The following KLHL18 variants were observed in gnomAD, a reference collection of about 807,000 sequenced individuals.
KLHL18 encodes the protein kelch like family member 18.
KLHL18 carries 38 observed loss-of-function variants against 58.5 expected under a neutral mutation model. The observed-to-expected ratio is 0.65, with a 90% CI of 0.50 to 0.85. The LOEUF (loss-of-function observed/expected upper bound fraction) is 0.85. Ranked by LOEUF, KLHL18 falls within the 40% of genes least tolerant of loss-of-function variation. KLHL18 has a pLI of 0.00. For missense variants in KLHL18, 624 were observed against 778.4 expected, an observed-to-expected ratio of 0.80 and a Z score of 2.36; for synonymous variants, 303 against 301.9, an observed-to-expected ratio of 1.00 and a Z score of -0.04.
chr3:47,339,093 T>TC (rs1398069117), intron 7 of KLHL18, among the ~76,000 whole-genome samples: 1 of 152,146 alleles, frequency 6.6e-6, no homozygotes, highest in East Asian at 1.9e-4. Context: ...GGCAGGCCTC[T>TC]CTCTGGGCAG....
intron 1 of KLHL18, among the ~76,000 whole-genome samples, chr3:47,316,975 A>G (rs1324626117): frequency 6.6e-6 from 1 of 151,922 alleles, no homozygotes; most frequent in Non-Finnish European, 1.5e-5. Context: ...CAATGGAGCA[A>G]TACTTTCAAA....
chr3:47,302,275 AAG>A (rs1177917649), intron 1 of KLHL18, among the ~76,000 whole-genome samples: 1 of 152,194 alleles, frequency 6.6e-6, no homozygotes, highest in Non-Finnish European at 1.5e-5. Context: ...TCATGAGGTC[AAG>A]AGATCAAGAC....
intron 3 of KLHL18, among the ~76,000 whole-genome samples, chr3:47,325,773 CTT>C (rs1293020257): frequency 1.6e-4 from 22 of 140,652 alleles, no homozygotes; most frequent in Non-Finnish European, 1.4e-4. Flanking sequence ...TATTTTCTTG[CTT>C]TTTTTTTTTT....
Position 47,323,795 on chromosome 3 carries a change from C to G in KLHL18, c.401+1087C>G, listed in dbSNP as rs184712605. Among the ~76,000 whole-genome samples, 300 of 152,296 alleles carry G rather than the reference C, an allele frequency of 2.0e-3. 3 individuals carry two copies. The highest frequency in any genetic ancestry group is 6.6e-3 in the African/African-American group (273 of 41,552). Reference sequence around the variant, plus strand: ...ACTAGGTATCTGGTCTGTCAGCATTCCTCCTGACTCAGATCTGCCCTCCGA... The same window carrying G: ...ACTAGGTATCTGGTCTGTCAGCATTGCTCCTGACTCAGATCTGCCCTCCGA... On this transcript the variant is annotated intron_variant, in intron 3 of 9. Transcript: ENST00000232766.
chr3:47,334,604 G>A lies in KLHL18; in HGVS notation c.762-79G>A. ...CAGGTTTCCCCTGCAGTTGGCAGTG[G>A]AGAGCCAGGCTCAGAGATGCAAACG... On this transcript the variant is annotated intron_variant, in intron 5 of 9. Coordinates refer to ENST00000232766, the MANE Select transcript of KLHL18 (RefSeq NM_025010.5). The surrounding 1 kb of genome is among the most constrained non-coding windows in gnomAD (Gnocchi z 4.7). The A allele has an allele frequency of 6.5e-7, 1 of 1,538,862 alleles. No individual in the cohort carries two copies. The highest frequency in any genetic ancestry group is 8.9e-7 in the Non-Finnish European group (1 of 1,121,654).
chr3:47,291,473 G>A (rs1041043879), intron 1 of KLHL18, among the ~76,000 whole-genome samples: 1 of 152,192 alleles, frequency 6.6e-6, no homozygotes, highest in Non-Finnish European at 1.5e-5. Flanking sequence ...TCTGTAAAGG[G>A]CCAGATAGTA....
At chr3:47,303,402 G>A (rs992915574) in intron 1 of KLHL18, among the ~76,000 whole-genome samples, 2 of 152,162 alleles carry the variant, frequency 1.3e-5, no homozygotes, top group African/African-American at 4.8e-5. Context: ...AATTCTTGGG[G>A]TTCCAGATGG....
chr3:47,296,178 A>G (rs1015406140), intron 1 of KLHL18, among the ~76,000 whole-genome samples: 3 of 152,176 alleles, frequency 2.0e-5, no homozygotes, highest in Admixed American at 6.5e-5. Flanking sequence ...TTTGAGAAGC[A>G]TTGCCGCCAC....
intron 3 of KLHL18, among the ~76,000 whole-genome samples, chr3:47,326,040 C>T (rs761282427): frequency 6.6e-6 from 1 of 152,128 alleles, no homozygotes; most frequent in Non-Finnish European, 1.5e-5. Context: ...CACCACCTCC[C>T]AGGTTCAAGC....
At chr3:47,325,744 G>C (rs1443992225) in intron 3 of KLHL18, among the ~76,000 whole-genome samples, 1 of 151,642 alleles carries the variant, frequency 6.6e-6, no homozygotes, top group East Asian at 1.9e-4. Context: ...CTTGCTTTTA[G>C]GCAAGCACTG....
At chr3:47,283,147 TA>T in intron 1 of KLHL18, 53 bp downstream of exon 1, 1 of 1,308,614 alleles carries the variant, frequency 7.6e-7, no homozygotes, top group Admixed American at 2.8e-5. Flanking sequence ...GAGCGGGGAG[TA>T]AAAAGGGGCG....
chr3:47,318,067 C>T (rs1703496796), intron 1 of KLHL18, among the ~76,000 whole-genome samples: 1 of 152,082 alleles, frequency 6.6e-6, no homozygotes, highest in African/African-American at 2.4e-5. Context: ...ATCATGTTGC[C>T]CAGGCTGCTC....
chr3:47,345,697 C>T lies in KLHL18; in HGVS notation c.*1756C>T, dbSNP rs1215013031. 4 of 152,508 alleles carry T rather than the reference C, an allele frequency of 2.6e-5. No individual in the cohort carries two copies. The highest frequency in any genetic ancestry group is 5.9e-5 in the Non-Finnish European group (4 of 68,050). 9.4% of individuals were successfully genotyped at this position (152,508 alleles called of 1,614,324 possible). A position where few individuals can be genotyped will look rare whatever the true frequency, so the allele number is the denominator to read the frequency against. On this transcript the variant is annotated 3_prime_UTR_variant, in exon 10 of 10. Transcript: ENST00000232766. Reference sequence around the variant, plus strand: ...GACTGAGTCTTAGGGCTCCAGTCTCCACCTGCTTGGTTTCCTATCCTTTGC... The same window carrying T: ...GACTGAGTCTTAGGGCTCCAGTCTCTACCTGCTTGGTTTCCTATCCTTTGC...
At chr3:47,287,355 C>T (rs1702695918) in intron 1 of KLHL18, 1 of 152,198 alleles carries the variant, frequency 6.6e-6, no homozygotes, top group South Asian at 2.1e-4. Flanking sequence ...ACTGGTGATT[C>T]TCTGTCTCGT....
At chr3:47,286,812 A>G (rs1576126948) in intron 1 of KLHL18, among the ~76,000 whole-genome samples, 1 of 152,166 alleles carries the variant, frequency 6.6e-6, no homozygotes, top group South Asian at 2.1e-4. Context: ...TTATGGTAGG[A>G]GAGGTCTGGA....
intron 4 of KLHL18, among the ~76,000 whole-genome samples, chr3:47,330,641 A>G (rs148431074): frequency 2.0e-5 from 3 of 152,104 alleles, no homozygotes; most frequent in South Asian, 2.1e-4. Context: ...TTGTCAACCT[A>G]CTCACCTTAT....
At chr3:47,324,644 A>C (rs914303269) in intron 3 of KLHL18, among the ~76,000 whole-genome samples, 2 of 151,896 alleles carry the variant, frequency 1.3e-5, no homozygotes, top group African/African-American at 2.4e-5. Flanking sequence ...ACCAGCCTGT[A>C]TGGCAGAGCA....
At chr3:47,299,485 AAG>A (rs1702966558) in intron 1 of KLHL18, among the ~76,000 whole-genome samples, 1 of 152,188 alleles carries the variant, frequency 6.6e-6, no homozygotes, top group African/African-American at 2.4e-5. Context: ...TAAGGCCTTA[AAG>A]AGCAGAAATT....
chr3:47,308,882 A>G (rs1386220476), intron 1 of KLHL18, among the ~76,000 whole-genome samples: 1 of 151,998 alleles, frequency 6.6e-6, no homozygotes, highest in Non-Finnish European at 1.5e-5. Flanking sequence ...CAAGTGAACA[A>G]AGGTCTCTGG....
Sources: gnomAD v4.1 joint callset for allele counts (sites outside exome capture counted in the v4.1 genomes callset) on GRCh38, gnomAD v4.1.1 for gene constraint, Gnocchi (gnomAD v3.1) non-coding constraint, MANE v1.5 for transcripts, NCBI Gene and HGNC (gene_info 2026-07-23, HGNC 2026-07-21) for gene names.